Variants in ARAP2 observed in about 807,000 individuals in gnomAD.
The protein encoded by ARAP2 is arf-GAP with Rho-GAP domain, ANK repeat and PH domain-containing protein 2.
ARAP2 carries 148 observed loss-of-function variants against 194.5 expected under a neutral mutation model. The observed-to-expected ratio is 0.76, with a 90% confidence interval of 0.67 to 0.87. The LOEUF is 0.87. ARAP2 is among the 40% of genes least tolerant of loss of function. The pLI is 0.00. For missense variants in ARAP2, 2,128 were observed against 1,989.7 expected (o/e 1.07, Z -1.32); for synonymous variants, 695 against 683.5 (o/e 1.02, Z -0.26).
chr4:36,029,478 G>A (rs571667347), intron 5 of ARAP2, among the ~76,000 whole-genome samples: 4 of 151,938 alleles, frequency 2.6e-5, no homozygotes, highest in South Asian at 4.1e-4. Flanking sequence ...GTCCACCCCC[G>A]TGGTTTCAGT....
intron 9 of ARAP2, among the ~76,000 whole-genome samples, chr4:36,008,109 C>T (rs1713691474): frequency 6.6e-6 from 1 of 152,008 alleles, no homozygotes; most frequent in African/African-American, 2.4e-5. Context: ...ACTAAAATAC[C>T]CGTACTGCCC....
chr4:36,128,827 T>G (rs754973556), intron 20 of ARAP2, 82 bp from the exon 21 acceptor site: 21 of 1,117,818 alleles, frequency 1.9e-5, no homozygotes, highest in Admixed American at 1.0e-4. Flanking sequence ...AACAAATGTT[T>G]GTGTTGAGAC....
At chr4:36,194,045 AG>A (rs1742538687) in intron 6 of ARAP2, among the ~76,000 whole-genome samples, 2 of 152,154 alleles carry the variant, frequency 1.3e-5, no homozygotes, top group Non-Finnish European at 2.9e-5. Context: ...TTTTTGTTTT[AG>A]GGCATAAATA....
chr4:36,164,905 A>C lies in ARAP2; in HGVS notation c.2173+9T>G, dbSNP rs373591654. 3.7e-6 allele frequency: 6 copies of C among 1,612,818 alleles called. No homozygotes were observed. In the African/African-American group the frequency reaches 6.7e-5, roughly 18 times the overall value. ...AAAGCTGTGATGAGCATAACTTGTC[A>C]CTAATTACCTGCACACTTCTTACAG... On this transcript the variant is annotated intron_variant, in intron 11 of 32. Transcript: ENST00000303965.
At chr4:36,158,063 G>A (rs149356911) in intron 15 of ARAP2, among the ~76,000 whole-genome samples, 1 of 152,154 alleles carries the variant, frequency 6.6e-6, no homozygotes, top group Admixed American at 6.5e-5. Context: ...ATATTTCTTA[G>A]ATTTGTTCCA....
At chr4:36,187,721 TTCTCATG>T in intron 7 of ARAP2, 150 bp from the exon 8 acceptor site, 1 of 519,380 alleles carries the variant, frequency 1.9e-6, no homozygotes. Flanking sequence ...TCCACTCATA[TTCTCATG>T]TAATACCCTA....
At chr4:36,053,108 A>G (rs1346995226) in intron 2 of ARAP2, among the ~76,000 whole-genome samples, 4 of 151,772 alleles carry the variant, frequency 2.6e-5, no homozygotes, top group Non-Finnish European at 5.9e-5. Flanking sequence ...CCCGGGTTCA[A>G]GCGATTCTCT....
At chr4:36,095,337 T>G (rs1298638576) in intron 27 of ARAP2, among the ~76,000 whole-genome samples, 2 of 152,168 alleles carry the variant, frequency 1.3e-5, no homozygotes, top group African/African-American at 4.8e-5. Context: ...TAAATGTGTT[T>G]CTGGGATTCC....
chr4:36,105,691 G>A (rs1375439446), intron 27 of ARAP2, among the ~76,000 whole-genome samples: 1 of 151,846 alleles, frequency 6.6e-6, no homozygotes, highest in African/African-American at 2.4e-5. Flanking sequence ...CACCTTGTTG[G>A]GTTGTTTGCC....
chr4:36,160,345 TA>T, intron 13 of ARAP2, 113 bp downstream of exon 13: 1 of 1,262,172 alleles, frequency 7.9e-7, no homozygotes. Context: ...GGAAATAAAA[TA>T]AAATTAATAA....
At chr4:36,012,082 T>C (rs939941015) in intron 9 of ARAP2, among the ~76,000 whole-genome samples, 3 of 152,178 alleles carry the variant, frequency 2.0e-5, no homozygotes, top group African/African-American at 7.2e-5. Flanking sequence ...TAATTTCCAA[T>C]GAACTATTAA....
intron 9 of ARAP2, among the ~76,000 whole-genome samples, chr4:36,008,116 G>T (rs1217411355): frequency 1.3e-5 from 2 of 151,982 alleles, no homozygotes; most frequent in African/African-American, 2.4e-5. Flanking sequence ...TACCCGTACT[G>T]CCCAAAACAA....
At chr4:36,121,080 G>T in intron 23 of ARAP2, 99 bp downstream of exon 23, 1 of 858,354 alleles carries the variant, frequency 1.2e-6, no homozygotes, top group Non-Finnish European at 1.6e-6. Flanking sequence ...TTCTAAATAT[G>T]AATAAAGATC....
intron 9 of ARAP2, among the ~76,000 whole-genome samples, chr4:36,011,551 C>T (rs542779094): frequency 6.6e-6 from 1 of 152,214 alleles, no homozygotes; most frequent in East Asian, 1.9e-4. Context: ...CTTAGAAACA[C>T]CCACAGAGCA....
chr4:36,164,947 T>G lies in ARAP2; in HGVS notation c.2140A>C (p.Asn714His), dbSNP rs775456082. Residue 714 changes from asparagine (N) to histidine (H), a missense_variant, in exon 11 of 33, where the codon AAT becomes CAT. Physicochemically the swap from Asn to His is moderately conservative, Grantham distance 68 (BLOSUM62 1). Coordinates refer to ENST00000303965, the MANE Select transcript of ARAP2 (RefSeq NM_015230.4). ...KAPDPDWASI[N>H]LCVVICKKCA... ...TTCTTACAGATGACAACACAGAGATTGATGGATGCCCAGTCAGGATCTGGG... is the reference window on the plus strand; with the variant it reads ...TTCTTACAGATGACAACACAGAGATGGATGGATGCCCAGTCAGGATCTGGG... 1 of 1,613,988 alleles carries G rather than the reference T, an allele frequency of 6.2e-7. No homozygotes were observed. The highest frequency in any genetic ancestry group is 8.5e-7 in the Non-Finnish European group (1 of 1,179,950).
rs754425770 is a variant in ARAP2, at chr4:36,229,536, C to CAA, written c.-51_-50insTT. The CAA allele has an allele frequency of 1.1e-5, 16 of 1,398,562 alleles. No homozygotes were observed. Among genetic ancestry groups the CAA allele is most frequent in the African/African-American group, 8.6e-5 (6 of 69,490 alleles). The allele number at this position is 1,398,562 out of a possible 1,614,324, so 86.6% of individuals were successfully genotyped here. A position where few individuals can be genotyped will look rare whatever the true frequency, so the allele number is the denominator to read the frequency against. ...AGTTACAAAAAGTGGCACGATGAGA[C>CAA]ACACACACAAGAAGATGTACTTCTC... On this transcript the variant is annotated 5_prime_UTR_variant, in exon 2 of 33. Coordinates refer to ENST00000303965, the MANE Select transcript of ARAP2 (RefSeq NM_015230.4).
chr4:36,229,128 A>T lies in ARAP2; in HGVS notation c.359T>A (p.Leu120Ter), dbSNP rs1211168308. 6.2e-7 allele frequency: 1 copy of T among 1,614,086 alleles called. No homozygotes were observed. The highest frequency in any genetic ancestry group is 8.5e-7 in the Non-Finnish European group (1 of 1,179,990). Residue 120 changes from leucine (L) to a stop codon, truncating the protein, a stop_gained, in exon 2 of 33, where the codon TTG (leucine) becomes TAG (stop). Transcript: ENST00000303965. LOFTEE classifies it high-confidence loss of function. ...GSVQTSSPPQ[L>*]ETVRKNLEDS... ...TTCAAGATTTTTTCTAACAGTCTCC[A>T]ACTGCGGTGGGCTAGATGTCTGAAC...
Position 36,177,975 on chromosome 4 carries a change from A to C in ARAP2, c.1709T>G (p.Leu570Ter). 6.2e-7 allele frequency: 1 copy of C among 1,610,596 alleles called. No homozygotes were observed. Among genetic ancestry groups the C allele is most frequent in the Non-Finnish European group, 8.5e-7 (1 of 1,178,826 alleles). Residue 570 changes from leucine (L) to a stop codon, truncating the protein, a stop_gained, in exon 9 of 33, where the codon TTA (leucine) becomes TGA (stop). Transcript: ENST00000303965. LOFTEE classifies it high-confidence loss of function. ...EERNDWISIL[L>*]NALKSQSLTS... is the part of the protein sequence containing the mutation. ...AAGGGATTGTGATTTCAGTGCATTT[A>C]ATAGTATGCTGATCCAGTCATTTCT...
At chr4:36,045,894 AGTAAGAGAGGG>A (rs886486912) in intron 5 of ARAP2, 8 of 152,190 alleles carry the variant, frequency 5.3e-5, no homozygotes, top group African/African-American at 1.9e-4. Context: ...AAATTTATAA[AGTAAGAGAGGG>A]GGATAAGAGG....
Sources: gnomAD v4.1 joint callset for allele counts (sites outside exome capture counted in the v4.1 genomes callset) on GRCh38, gnomAD v4.1.1 for gene constraint, MANE v1.5 for transcripts, NCBI Gene and HGNC (gene_info 2026-07-23, HGNC 2026-07-21) for gene names.